Variants in OPRM1 observed in about 807,000 individuals in gnomAD.
OPRM1 encodes mu-type opioid receptor.
Under a neutral mutation model 31.8 loss-of-function variants are expected in OPRM1, and 27 were observed. The ratio of observed to expected loss-of-function variants is 0.85; its 90% CI spans 0.63 to 1.17. The LOEUF (loss-of-function observed/expected upper bound fraction) is 1.17. Ranked by LOEUF, OPRM1 falls within the 50% of genes most tolerant of loss-of-function variation. The pLI is 0.00. For missense variants in OPRM1, 536 were observed against 511.1 expected, an observed-to-expected ratio of 1.05 and a Z score of -0.47; for synonymous variants, 196 against 189.9, an observed-to-expected ratio of 1.03 and a Z score of -0.26.
In OPRM1 at chr6:154,171,323, G is replaced by C. The variant is rs1020266648; in HGVS notation, c.1165-75370G>C. 2.6e-5 allele frequency among the ~76,000 whole-genome samples: 4 copies of C among 152,124 alleles called. No individual in the cohort carries two copies. In the East Asian group the frequency reaches 7.7e-4, roughly 29 times the overall value. ...CAGTTGTCCACAATACTTCAACATG[G>C]GTGAACCTTGAAAACATTTTGCTAA... On this transcript the variant is annotated intron_variant, in intron 3 of 3. Transcript: ENST00000337049.
In OPRM1 at chr6:154,129,219, G is replaced by T. The variant is rs1009418031; in HGVS notation, c.*10498G>T. On this transcript the variant is annotated 3_prime_UTR_variant, in exon 4 of 4. Coordinates refer to ENST00000330432, the MANE Select transcript of OPRM1 (RefSeq NM_000914.5). Reference sequence around the variant, plus strand: ...AGCAAGCAAGGGGTATGTGACAGGGGCTGCATGCACCGGTGGTCTGGGAGG... The same window carrying T: ...AGCAAGCAAGGGGTATGTGACAGGGTCTGCATGCACCGGTGGTCTGGGAGG... Among the ~76,000 whole-genome samples the T allele has an allele frequency of 2.0e-5, 3 of 152,214 alleles. No individual in the cohort carries two copies. Among genetic ancestry groups the T allele is most frequent in the African/African-American group, 7.2e-5 (3 of 41,452 alleles).
chr6:154,086,677 T>C (rs1009672121), intron 1 of OPRM1: 1 of 985,132 alleles, frequency 1.0e-6, no homozygotes, highest in East Asian at 1.1e-4. Flanking sequence ...GAAGGAAAGG[T>C]TGGAAGTATG....
chr6:154,163,038 AC>A (rs1799150965), intron 3 of OPRM1, among the ~76,000 whole-genome samples: 1 of 152,086 alleles, frequency 6.6e-6, no homozygotes, highest in African/African-American at 2.4e-5. Flanking sequence ...TCCTTCTACC[AC>A]ACCCAATCCA....
chr6:154,172,085 C>A (rs1423562093), intron 3 of OPRM1, among the ~76,000 whole-genome samples: 3 of 152,124 alleles, frequency 2.0e-5, no homozygotes, highest in East Asian at 1.9e-4. Flanking sequence ...AAACAACTTA[C>A]CAATTGAGCC....
intron 3 of OPRM1, among the ~76,000 whole-genome samples, chr6:154,224,349 C>G (rs913542290): frequency 6.6e-6 from 1 of 152,186 alleles, no homozygotes; most frequent in Non-Finnish European, 1.5e-5. Context: ...CTATGCCCAT[C>G]TTCTCTCTCT....
At chr6:154,053,983 A>T (rs1782693194) in intron 1 of OPRM1, among the ~76,000 whole-genome samples, 1 of 152,136 alleles carries the variant, frequency 6.6e-6, no homozygotes, top group Admixed American at 6.5e-5. Flanking sequence ...GCCATTATAT[A>T]AATCCCCACA....
chr6:154,104,234 A>G (rs976862070), intron 3 of OPRM1, among the ~76,000 whole-genome samples: 14 of 152,240 alleles, frequency 9.2e-5, no homozygotes, highest in African/African-American at 3.4e-4. Context: ...TTGAGTTTCA[A>G]CAACAGATGA....
At chr6:154,214,225 C>T (rs1303998675) in intron 3 of OPRM1, 1 of 1,602,724 alleles carries the variant, frequency 6.2e-7, no homozygotes, top group Admixed American at 1.7e-5. Flanking sequence ...TACCTTCATC[C>T]TTTGTAGTGG....
chr6:154,127,829 G>T lies in OPRM1; in HGVS notation c.*9108G>T, dbSNP rs1052518050. Reference sequence around the variant, plus strand: ...ATTCAGAAAACAGGAAAATAACAAAGGCTTCCTGTAATTCTCTTTGGCTGT... The same window carrying T: ...ATTCAGAAAACAGGAAAATAACAAATGCTTCCTGTAATTCTCTTTGGCTGT... On this transcript the variant is annotated 3_prime_UTR_variant, in exon 4 of 4. Coordinates refer to ENST00000330432, the MANE Select transcript of OPRM1 (RefSeq NM_000914.5). Among the ~76,000 whole-genome samples the T allele has an allele frequency of 1.3e-5, 2 of 152,122 alleles. No homozygotes were observed. The highest frequency in any genetic ancestry group is 2.9e-5 in the Non-Finnish European group (2 of 68,036).
In OPRM1 at chr6:154,121,116, G is replaced by A. The variant is rs644261; in HGVS notation, c.*2395G>A. ...GATAAAATCTGAAGATAAAGAAAATGGAATATTCTGCTTTTTTCTTCCTTC... is the reference window on the plus strand; with the variant it reads ...GATAAAATCTGAAGATAAAGAAAATAGAATATTCTGCTTTTTTCTTCCTTC... On this transcript the variant is annotated 3_prime_UTR_variant, in exon 4 of 4. Coordinates refer to ENST00000330432, the MANE Select transcript of OPRM1 (RefSeq NM_000914.5). 6.6e-6 allele frequency among the ~76,000 whole-genome samples: 1 copy of A among 152,028 alleles called. No homozygotes were observed. Among genetic ancestry groups the A allele is most frequent in the Non-Finnish European group, 1.5e-5 (1 of 67,978 alleles).
exon 4 of OPRM1, chr6:154,246,797 C>G: frequency 6.2e-7 from 1 of 1,600,404 alleles, no homozygotes; most frequent in African/African-American, 1.3e-5. Context: ...TAATGTATTA[C>G]CCTGATTTGG....
intron 3 of OPRM1, among the ~76,000 whole-genome samples, chr6:154,241,917 C>T (rs1263727843): frequency 6.6e-6 from 1 of 152,168 alleles, no homozygotes; most frequent in Non-Finnish European, 1.5e-5. Context: ...AATGGAGAAG[C>T]TATGCAGCCT....
chr6:154,033,457 T>A (rs1426628225), intron 1 of OPRM1, among the ~76,000 whole-genome samples: 1 of 152,042 alleles, frequency 6.6e-6, no homozygotes, highest in Non-Finnish European at 1.5e-5. Context: ...GGTTTGAAAG[T>A]GGAATTAAAG....
chr6:154,219,467 C>CA (rs1400944378), intron 3 of OPRM1, among the ~76,000 whole-genome samples: 1 of 152,074 alleles, frequency 6.6e-6, no homozygotes, highest in African/African-American at 2.4e-5. Context: ...AGCACTGTTT[C>CA]ACCACCATTC....
intron 3 of OPRM1, among the ~76,000 whole-genome samples, chr6:154,182,254 C>G (rs964282545): frequency 6.6e-6 from 1 of 152,104 alleles, no homozygotes; most frequent in Non-Finnish European, 1.5e-5. Context: ...GAGTCATGTA[C>G]GTATCTTCTT....
chr6:154,112,056 C>T (rs1353875711), intron 3 of OPRM1, among the ~76,000 whole-genome samples: 2 of 152,106 alleles, frequency 1.3e-5, no homozygotes, highest in Admixed American at 6.5e-5. Context: ...GGAGCCACCG[C>T]GCCTGGCCAA....
At chr6:154,090,901 G>A in intron 2 of OPRM1, 51 bp from the exon 3 acceptor site, 1 of 1,537,982 alleles carries the variant, frequency 6.5e-7, no homozygotes, top group Non-Finnish European at 8.9e-7. Flanking sequence ...AACACCTTAT[G>A]ACATAATTAA....
In OPRM1 at chr6:154,242,910, A is replaced by G. The variant is rs564872496; in HGVS notation, c.1165-3783A>G. Among the ~76,000 whole-genome samples the G allele has an allele frequency of 7.2e-5, 11 of 152,250 alleles. No individual in the cohort carries two copies. The South Asian group carries it at 8.3e-4, about 11-fold the overall frequency. On this transcript the variant is annotated intron_variant, in intron 3 of 3. Transcript: ENST00000337049. ...CTCAAAGAAAAGAAAAGAAAAGTAT[A>G]GGCCACTCAGGCAGCAGAGAGAGGA...
intron 3 of OPRM1, among the ~76,000 whole-genome samples, chr6:154,165,261 G>A (rs1799334939): frequency 6.6e-6 from 1 of 152,086 alleles, no homozygotes; most frequent in South Asian, 2.1e-4. Flanking sequence ...CCCGCACCCA[G>A]CACTCAGAAG....
Sources: allele counts gnomAD v4.1 joint callset (sites outside exome capture counted in the v4.1 genomes callset), GRCh38; gene constraint gnomAD v4.1.1; transcripts MANE v1.5; gene names NCBI Gene and HGNC (gene_info 2026-07-23, HGNC 2026-07-21).